Variants in ADAMTS16 observed in about 807,000 individuals in gnomAD.
ADAMTS16 encodes the protein A disintegrin and metalloproteinase with thrombospondin motifs 16.
ADAMTS16 carries 94 observed loss-of-function variants against 145.8 expected under a neutral mutation model. The observed-to-expected ratio is 0.64, with a 90% CI of 0.55 to 0.77. ADAMTS16 has a LOEUF of 0.77. Ranked by LOEUF, ADAMTS16 falls within the 30% of genes least tolerant of loss-of-function variation. ADAMTS16 has a pLI of 0.00. For synonymous variants in ADAMTS16, 659 were observed against 604.3 expected, an observed-to-expected ratio of 1.09 and a Z score of -1.33; for missense variants, 1,585 against 1,591.5, an observed-to-expected ratio of 1.00 and a Z score of 0.07.
At chr5:5,209,031 G>A (rs753820956) in intron 9 of ADAMTS16, 62 bp from the exon 10 acceptor site, 37 of 1,532,012 alleles carry the variant, frequency 2.4e-5, no homozygotes, top group Admixed American at 7.9e-5. Context: ...GGCATAATTA[G>A]TTGTAAGTCC....
chr5:5,208,990 A>G, intron 9 of ADAMTS16, 103 bp from the exon 10 acceptor site: 1 of 1,332,690 alleles, frequency 7.5e-7, no homozygotes, highest in Non-Finnish European at 1.0e-6. Flanking sequence ...TGTATACACA[A>G]TATATGTTGT....
At chr5:5,196,144 G>A (rs914302469) in intron 8 of ADAMTS16, among the ~76,000 whole-genome samples, 5 of 146,398 alleles carry the variant, frequency 3.4e-5, no homozygotes, top group African/African-American at 5.1e-5. Context: ...AGTAACCTCA[G>A]GAAGTAGAAC....
intron 3 of ADAMTS16, among the ~76,000 whole-genome samples, chr5:5,172,467 T>G (rs2126544243): frequency 6.6e-6 from 1 of 152,196 alleles, no homozygotes; most frequent in South Asian, 2.1e-4. Context: ...TTCAAATAAA[T>G]TTAATTTTCT....
In ADAMTS16 at chr5:5,255,382, A is replaced by C. The variant is rs149304922; in HGVS notation, c.2663-7275A>C. 2.2e-4 allele frequency among the ~76,000 whole-genome samples: 34 copies of C among 152,374 alleles called. No individual in the cohort carries two copies. The East Asian group carries it at 6.6e-3, about 29-fold the overall frequency. On this transcript the variant is annotated intron_variant, in intron 17 of 22. Transcript: ENST00000274181. ...TTTGTTGTTTACAAAATAAATAGAGAGATTGAAAGAGTAAAGGCCAGACAT... is the reference window on the plus strand; with the variant it reads ...TTTGTTGTTTACAAAATAAATAGAGCGATTGAAAGAGTAAAGGCCAGACAT...
At chr5:5,220,308 C>T (rs58049726) in intron 10 of ADAMTS16, among the ~76,000 whole-genome samples, 28,135 of 148,968 alleles carry the variant, frequency 0.19, 3,267 homozygotes, top group East Asian at 0.49. Context: ...TACAGGCACC[C>T]GCCACCACGC....
At chr5:5,186,998 C>T (rs913493295) in intron 5 of ADAMTS16, among the ~76,000 whole-genome samples, 1 of 152,198 alleles carries the variant, frequency 6.6e-6, no homozygotes, top group African/African-American at 2.4e-5. Context: ...TTTTGGTAGA[C>T]TGAACCACTA....
intron 18 of ADAMTS16, among the ~76,000 whole-genome samples, chr5:5,281,925 G>T (rs1200685621): frequency 6.6e-6 from 1 of 152,126 alleles, no homozygotes; most frequent in Non-Finnish European, 1.5e-5. Flanking sequence ...TGTTTGAGTG[G>T]GTGTATACAA....
intron 18 of ADAMTS16, among the ~76,000 whole-genome samples, chr5:5,285,845 A>G (rs1385080463): frequency 6.6e-6 from 1 of 152,220 alleles, no homozygotes; most frequent in African/African-American, 2.4e-5. Flanking sequence ...CTCCAGTAAT[A>G]TCAGCATTTC....
In ADAMTS16 at chr5:5,186,098, G is replaced by A; in HGVS notation, c.810G>A (p.Glu270=). ...AAGACCTCTTCATCTTGCCAGATGAGTATAAGTCTTGCTTACGGCATAAGC... is the reference window on the plus strand; with the variant it reads ...AAGACCTCTTCATCTTGCCAGATGAATATAAGTCTTGCTTACGGCATAAGC... ...PKEDLFILPD[E]YKSCLRHKRS... Residue 270 remains glutamate (E), a synonymous_variant, in exon 5 of 23, where the codon GAG becomes GAA. Coordinates refer to ENST00000274181, the MANE Select transcript of ADAMTS16 (RefSeq NM_139056.4). The A allele has an allele frequency of 1.2e-6, 2 of 1,614,070 alleles. No individual in the cohort carries two copies. The highest frequency in any genetic ancestry group is 2.2e-5 in the South Asian group (2 of 91,080).
chr5:5,265,633 A>G (rs1738214028), intron 18 of ADAMTS16, among the ~76,000 whole-genome samples: 1 of 152,242 alleles, frequency 6.6e-6, no homozygotes, highest in East Asian at 1.9e-4. Context: ...GTGTTTGTTC[A>G]TGACTTTATA....
chr5:5,162,888 A>G (rs1425606975), intron 3 of ADAMTS16, among the ~76,000 whole-genome samples: 1 of 152,212 alleles, frequency 6.6e-6, no homozygotes, highest in East Asian at 1.9e-4. Flanking sequence ...TTCCAGTCCT[A>G]GAGAGTGGAT....
intron 10 of ADAMTS16, among the ~76,000 whole-genome samples, chr5:5,222,573 A>C (rs1332151875): frequency 6.6e-6 from 1 of 152,212 alleles, no homozygotes; most frequent in East Asian, 1.9e-4. Context: ...ATATAAATAA[A>C]ACAAATAAAG....
intron 2 of ADAMTS16, among the ~76,000 whole-genome samples, chr5:5,144,114 T>G (rs1734234249): frequency 7.7e-6 from 1 of 129,394 alleles, no homozygotes; most frequent in Non-Finnish European, 1.6e-5. Flanking sequence ...ATCCCAGAAC[T>G]TAAATTATAA....
intron 18 of ADAMTS16, among the ~76,000 whole-genome samples, chr5:5,295,489 C>G (rs1739493788): frequency 6.6e-6 from 1 of 152,214 alleles, no homozygotes; most frequent in Non-Finnish European, 1.5e-5. Context: ...CCTGTGAGCC[C>G]TGGAGTGGCA....
rs544845852 is a variant in ADAMTS16, at chr5:5,240,200, G to A, written c.2523+275G>A. On this transcript the variant is annotated intron_variant, in intron 16 of 22. Coordinates refer to ENST00000274181, the MANE Select transcript of ADAMTS16 (RefSeq NM_139056.4). ...TCTTCTTCTGTCCTGTAAGCTCGAT[G>A]GCTGTGAGATGCGGCCACTCTTGGG... is the stretch of plus-strand genomic sequence containing the variant. Among the ~76,000 whole-genome samples the A allele has an allele frequency of 2.6e-5, 4 of 152,300 alleles. No homozygotes were observed. The East Asian group carries it at 7.7e-4, about 29-fold the overall frequency.
At chr5:5,146,525 C>T in intron 3 of ADAMTS16, 70 bp downstream of exon 3, 1 of 1,437,494 alleles carries the variant, frequency 7.0e-7, no homozygotes, top group South Asian at 1.3e-5. Flanking sequence ...GTAACCAGGA[C>T]TTTCCCTCGA....
At chr5:5,241,298 G>A (rs1737284421) in intron 16 of ADAMTS16, among the ~76,000 whole-genome samples, 1 of 152,224 alleles carries the variant, frequency 6.6e-6, no homozygotes, top group South Asian at 2.1e-4. Flanking sequence ...ACATTTATGA[G>A]AGAAATGGTG....
At chr5:5,265,314 G>C (rs1357676297) in intron 18 of ADAMTS16, among the ~76,000 whole-genome samples, 1 of 152,216 alleles carries the variant, frequency 6.6e-6, no homozygotes, top group Non-Finnish European at 1.5e-5. Context: ...TCAGCAGAGG[G>C]ACTGGGCATT....
At chr5:5,262,614 C>T in intron 17 of ADAMTS16, 43 bp from the exon 18 acceptor site, 1 of 1,589,876 alleles carries the variant, frequency 6.3e-7, no homozygotes, top group Admixed American at 1.8e-5. Context: ...TACTGTGGGG[C>T]ATGCATGTGA....
Sources: allele counts gnomAD v4.1 joint callset (sites outside exome capture counted in the v4.1 genomes callset), GRCh38; gene constraint gnomAD v4.1.1; transcripts MANE v1.5; gene names NCBI Gene and HGNC (gene_info 2026-07-23, HGNC 2026-07-21).